PCDHGA5: variants seen among roughly 807,000 people sequenced by gnomAD.
The protein encoded by PCDHGA5 is protocadherin gamma subfamily A, 5, also known as protocadherin gamma-A5.
In PCDHGA5, 36 loss-of-function variants were observed where a neutral mutation model predicts 56.7. The observed-to-expected ratio is 0.64, with a 90% CI of 0.49 to 0.84. The LOEUF (loss-of-function observed/expected upper bound fraction) is 0.84, where lower values mean the gene tolerates loss of function less well. PCDHGA5 is among the 40% of genes least tolerant of loss of function. The probability of loss-of-function intolerance (pLI) is 0.00; values close to 1 mark genes in which losing one functional copy is unlikely to be tolerated. For synonymous variants in PCDHGA5, 563 were observed against 520.2 expected (o/e 1.08, Z -1.12); for missense variants, 1,305 against 1,201.5 (o/e 1.09, Z -1.27).
chr5:141,462,959 G>A lies in PCDHGA5; in HGVS notation c.2422-31848G>A, dbSNP rs188938907. 5.1e-3 allele frequency among the ~76,000 whole-genome samples: 776 copies of A among 152,188 alleles called. 5 individuals are homozygous for A. Among genetic ancestry groups the A allele is most frequent in the Non-Finnish European group, 8.2e-3 (557 of 67,994 alleles). On this transcript the variant is annotated intron_variant, in intron 1 of 3. Transcript: ENST00000518069. ...AAGGCTTGTTTTTAAGCTTTGTTAGGACAGGTCTGTAGTAACTTTTGCCTT... is the reference window on the plus strand; with the variant it reads ...AAGGCTTGTTTTTAAGCTTTGTTAGAACAGGTCTGTAGTAACTTTTGCCTT...
chr5:141,388,923 T>C (rs374663443), intron 1 of PCDHGA5: 7 of 1,614,002 alleles, frequency 4.3e-6, no homozygotes, highest in East Asian at 2.2e-5. Context: ...AGAAGTGATA[T>C]TCCAGTCTCT....
chr5:141,489,592 C>A lies in PCDHGA5; in HGVS notation c.2422-5215C>A, dbSNP rs747085985. On this transcript the variant is annotated intron_variant, in intron 1 of 3. Coordinates refer to ENST00000518069, the MANE Select transcript of PCDHGA5 (RefSeq NM_018918.3). The surrounding 1 kb of genome is among the most constrained non-coding windows in gnomAD (Gnocchi z 4.5). ...GACTGAACACCCCCTGGAGCTAATCCGTGTAGAGGTAGAGATCCTGGATCT... is the reference window on the plus strand; with the variant it reads ...GACTGAACACCCCCTGGAGCTAATCAGTGTAGAGGTAGAGATCCTGGATCT... 3 of 1,614,046 alleles carry A rather than the reference C, an allele frequency of 1.9e-6. No homozygotes were observed. Among genetic ancestry groups the A allele is most frequent in the Non-Finnish European group, 2.5e-6 (3 of 1,179,978 alleles).
chr5:141,388,109 C>T, intron 1 of PCDHGA5: 2 of 1,404,160 alleles, frequency 1.4e-6, no homozygotes, highest in Non-Finnish European at 2.0e-6. Context: ...AGCCTTACTT[C>T]ACCGTGAGCG....
At chr5:141,455,394 C>T (rs1034564159) in intron 1 of PCDHGA5, among the ~76,000 whole-genome samples, 2 of 152,004 alleles carry the variant, frequency 1.3e-5, no homozygotes, top group African/African-American at 4.8e-5. Context: ...AAGGAGCTCC[C>T]CCTTACAGAG....
intron 1 of PCDHGA5, chr5:141,392,130 A>T (rs770884253): frequency 6.6e-6 from 1 of 152,238 alleles, no homozygotes; most frequent in African/African-American, 2.4e-5. Context: ...TTGTAAAATG[A>T]TTAAGTAGTT....
At position 141,431,633 on chromosome 5, in the gene PCDHGA5, T is replaced by G; in HGVS notation, c.2422-63174T>G. On this transcript the variant is annotated intron_variant, in intron 1 of 3. Coordinates refer to ENST00000518069, the MANE Select transcript of PCDHGA5 (RefSeq NM_018918.3). This position sits in a 1 kb window ranked among gnomAD's most constrained non-coding sequence, Gnocchi z 4.8. Reference sequence around the variant, plus strand: ...TGTGGACGACAAGGCGGCCCAAGTTTTCAAACTAGATTGTAATTCAGGGAC... The same window carrying G: ...TGTGGACGACAAGGCGGCCCAAGTTGTCAAACTAGATTGTAATTCAGGGAC... 6.2e-7 allele frequency: 1 copy of G among 1,614,240 alleles called. No individual in the cohort carries two copies. Among genetic ancestry groups the G allele is most frequent in the Non-Finnish European group, 8.5e-7 (1 of 1,180,048 alleles).
At chr5:141,387,566 T>C in intron 1 of PCDHGA5, 1 of 445,866 alleles carries the variant, frequency 2.2e-6, no homozygotes, top group Non-Finnish European at 4.0e-6. Context: ...GGCACACAAT[T>C]ATAATTATTG....
chr5:141,477,536 G>T lies in PCDHGA5; in HGVS notation c.2422-17271G>T. 1.2e-6 allele frequency: 2 copies of T among 1,614,076 alleles called. No homozygotes were observed. Among genetic ancestry groups the T allele is most frequent in the Non-Finnish European group, 1.7e-6 (2 of 1,180,018 alleles). ...CATTGAAGAAAACAACCTCCCCGGG[G>T]CTCCAATACTAAACCTAAGTGTCTG... On this transcript the variant is annotated intron_variant, in intron 1 of 3. Coordinates refer to ENST00000518069, the MANE Select transcript of PCDHGA5 (RefSeq NM_018918.3). The surrounding 1 kb of genome is among the most constrained non-coding windows in gnomAD (Gnocchi z 4.9).
Position 141,489,087 on chromosome 5 carries a change from T to TCAAA in PCDHGA5, c.2422-5720_2422-5719insCAAA. 4.6e-6 allele frequency: 1 copy of TCAAA among 216,106 alleles called. No individual in the cohort carries two copies. The highest frequency in any genetic ancestry group is 8.4e-6 in the Non-Finnish European group (1 of 118,736). The allele number at this position is 216,106 out of a possible 1,614,324, so 13.4% of individuals were successfully genotyped here. On this transcript the variant is annotated intron_variant, in intron 1 of 3. Coordinates refer to ENST00000518069, the MANE Select transcript of PCDHGA5 (RefSeq NM_018918.3). This position sits in a 1 kb window ranked among gnomAD's most constrained non-coding sequence, Gnocchi z 4.5. The stretch of plus-strand genomic sequence containing the variant: ...CCCCCTGCCCACCCCCGCCACTCGG[T>TCAAA]GACTAAGAACTGCTGCAAGCAGGCA...
chr5:141,394,818 C>T lies in PCDHGA5; in HGVS notation c.2421+28067C>T, dbSNP rs2093105005. On this transcript the variant is annotated intron_variant, in intron 1 of 3. Coordinates refer to ENST00000518069, the MANE Select transcript of PCDHGA5 (RefSeq NM_018918.3). Reference sequence around the variant, plus strand: ...CACCGTAGCCGTGGCTGACAGCATCCCCGAAGTCCTGACCGAGTTGGGCAG... The same window carrying T: ...CACCGTAGCCGTGGCTGACAGCATCTCCGAAGTCCTGACCGAGTTGGGCAG... The T allele has an allele frequency of 5.6e-6, 9 of 1,613,904 alleles. No individual in the cohort carries two copies. Among genetic ancestry groups the T allele is most frequent in the Non-Finnish European group, 7.6e-6 (9 of 1,180,012 alleles).
intron 1 of PCDHGA5, chr5:141,412,049 T>C (rs2095532088): frequency 1.3e-5 from 2 of 152,256 alleles, no homozygotes; most frequent in Admixed American, 1.3e-4. Flanking sequence ...AGTGAACTTC[T>C]ATACCCTTTG....
intron 1 of PCDHGA5, among the ~76,000 whole-genome samples, chr5:141,455,570 A>T (rs181469693): frequency 2.6e-5 from 4 of 152,222 alleles, no homozygotes; most frequent in Non-Finnish European, 5.9e-5. Context: ...TGGCCCTCCC[A>T]CCCCAGCCTT....
chr5:141,408,526 T>C, intron 1 of PCDHGA5: 3 of 1,614,028 alleles, frequency 1.9e-6, no homozygotes, highest in Non-Finnish European at 2.5e-6. Flanking sequence ...AATTGGAAGC[T>C]GTGGTGGAAA....
intron 1 of PCDHGA5, chr5:141,426,776 C>G (rs1258505646): frequency 2.2e-6 from 1 of 456,584 alleles, no homozygotes; most frequent in Admixed American, 2.3e-5. Flanking sequence ...TAGGGCCTCA[C>G]TCTCTCCAGA....
At position 141,485,221 on chromosome 5, in the gene PCDHGA5, C is replaced by A; in HGVS notation, c.2422-9586C>A. 4 of 1,614,118 alleles carry A rather than the reference C, an allele frequency of 2.5e-6. No individual in the cohort carries two copies. The highest frequency in any genetic ancestry group is 2.2e-5 in the East Asian group (1 of 44,868). ...GGACAGAAATCTGGCGGTGGGCTAC[C>A]CTTTTGTTCCTCTTTTACCACCTGG... On this transcript the variant is annotated intron_variant, in intron 1 of 3. Coordinates refer to ENST00000518069, the MANE Select transcript of PCDHGA5 (RefSeq NM_018918.3). The surrounding 1 kb of genome is among the most constrained non-coding windows in gnomAD (Gnocchi z 5.7).
intron 1 of PCDHGA5, among the ~76,000 whole-genome samples, chr5:141,450,088 C>T (rs1358812478): frequency 1.3e-5 from 2 of 148,484 alleles, no homozygotes; most frequent in East Asian, 2.0e-4. Context: ...CTCACTGCAA[C>T]CTCCGCCTCC....
intron 1 of PCDHGA5, chr5:141,433,225 G>A: frequency 6.6e-7 from 1 of 1,517,048 alleles, no homozygotes; most frequent in Non-Finnish European, 9.0e-7. Flanking sequence ...TTTTTTAATT[G>A]CTCTGTCTCC....
chr5:141,422,158 G>GA (rs1401712595), intron 1 of PCDHGA5: 2 of 1,571,916 alleles, frequency 1.3e-6, no homozygotes, highest in Middle Eastern at 1.7e-4. Flanking sequence ...TCTGGATTTT[G>GA]AAAAATATAG....
intron 1 of PCDHGA5, chr5:141,386,063 G>A (rs2090447648): frequency 6.6e-6 from 1 of 152,220 alleles, no homozygotes; most frequent in South Asian, 2.1e-4. Flanking sequence ...GAGAATTCCA[G>A]TATGTTGTTT....
Sources: allele counts gnomAD v4.1 joint callset (sites outside exome capture counted in the v4.1 genomes callset), GRCh38; gene constraint gnomAD v4.1.1; non-coding constraint Gnocchi (gnomAD v3.1); transcripts MANE v1.5; gene names NCBI Gene and HGNC (gene_info 2026-07-23, HGNC 2026-07-21).